Variants in ABHD17C observed in about 807,000 individuals in gnomAD.
ABHD17C encodes the protein alpha/beta hydrolase domain-containing protein 17C.
ABHD17C carries 11 observed loss-of-function variants against 27.9 expected under a neutral mutation model. The ratio of observed to expected loss-of-function variants is 0.39; its 90% CI spans 0.25 to 0.65. The LOEUF is 0.65. Among genes scored for constraint, ABHD17C ranks in the 30% least tolerant of loss-of-function variants. The probability of loss-of-function intolerance (pLI) is 0.45; values close to 1 mark genes in which losing one functional copy is unlikely to be tolerated. For missense variants in ABHD17C, 280 were observed against 470.2 expected, an observed-to-expected ratio of 0.60 and a Z score of 3.74; for synonymous variants, 233 against 209.1, an observed-to-expected ratio of 1.11 and a Z score of -0.98.
chr15:80,735,071 T>A (rs1211277400), intron 1 of ABHD17C, among the ~76,000 whole-genome samples: 1 of 152,182 alleles, frequency 6.6e-6, no homozygotes, highest in Non-Finnish European at 1.5e-5. Context: ...TCCCCCAGGC[T>A]GCTACTTCCG....
chr15:80,705,865 T>A (rs1179261236), intron 1 of ABHD17C, among the ~76,000 whole-genome samples: 1 of 152,218 alleles, frequency 6.6e-6, no homozygotes, highest in South Asian at 2.1e-4. Context: ...TAGGTGTTTA[T>A]ATGCCCAAGG....
intron 1 of ABHD17C, among the ~76,000 whole-genome samples, chr15:80,713,537 C>T (rs1485643147): frequency 3.3e-5 from 5 of 151,782 alleles, no homozygotes; most frequent in Admixed American, 1.3e-4. Flanking sequence ...AGGCCAGGTG[C>T]AGTGGCTCAC....
At position 80,695,428 on chromosome 15, in the gene ABHD17C, C is replaced by G. The variant is rs1310625802; in HGVS notation, c.-2C>G. 3.0e-6 allele frequency: 4 copies of G among 1,321,226 alleles called. No homozygotes were observed. The highest frequency in any genetic ancestry group is 3.9e-6 in the Non-Finnish European group (4 of 1,019,792). The allele number at this position is 1,321,226 out of a possible 1,614,324, so 81.8% of individuals were successfully genotyped here. ...GCCGGCGGCGGGCACCAGGCCGTCCCGATGCCCGAGCCAGGCCCCAGGATG... is the reference window on the plus strand; with the variant it reads ...GCCGGCGGCGGGCACCAGGCCGTCCGGATGCCCGAGCCAGGCCCCAGGATG... On this transcript the variant is annotated 5_prime_UTR_variant, in exon 1 of 3. Coordinates refer to ENST00000258884, the MANE Select transcript of ABHD17C (RefSeq NM_021214.2). This position sits in a 1 kb window ranked among gnomAD's most constrained non-coding sequence, Gnocchi z 4.3.
intron 1 of ABHD17C, among the ~76,000 whole-genome samples, chr15:80,705,525 A>G (rs1156889513): frequency 1.3e-5 from 2 of 152,156 alleles, no homozygotes; most frequent in African/African-American, 4.8e-5. Flanking sequence ...TGCTTAACAC[A>G]GTGCTTTCCA....
chr15:80,725,796 C>T (rs558398986), intron 1 of ABHD17C, among the ~76,000 whole-genome samples: 60 of 150,042 alleles, frequency 4.0e-4, no homozygotes, highest in African/African-American at 1.3e-3. Flanking sequence ...AGGTGTGAAC[C>T]GCTGCACCAG....
At chr15:80,748,024 T>C (rs1895313152) in intron 1 of ABHD17C, among the ~76,000 whole-genome samples, 1 of 152,306 alleles carries the variant, frequency 6.6e-6, no homozygotes, top group African/African-American at 2.4e-5. Flanking sequence ...CTGCATTGGG[T>C]ATGCGTTGCA....
intron 1 of ABHD17C, among the ~76,000 whole-genome samples, chr15:80,721,990 C>G (rs986340822): frequency 1.3e-5 from 2 of 151,998 alleles, no homozygotes; most frequent in African/African-American, 2.4e-5. Context: ...TTCAGACTTC[C>G]TATAATTTAC....
At chr15:80,728,521 A>G (rs993104847) in intron 1 of ABHD17C, among the ~76,000 whole-genome samples, 2 of 125,852 alleles carry the variant, frequency 1.6e-5, no homozygotes, top group Non-Finnish European at 3.9e-5. Flanking sequence ...CCCTCACTTG[A>G]TAGATAGGAG....
chr15:80,742,796 A>C (rs952010142), intron 1 of ABHD17C, among the ~76,000 whole-genome samples: 3 of 152,162 alleles, frequency 2.0e-5, no homozygotes, highest in African/African-American at 7.2e-5. Context: ...GGGCAGGAGG[A>C]GGAACCAAGA....
chr15:80,729,541 A>T lies in ABHD17C; in HGVS notation c.591-19972A>T, dbSNP rs371518969. 6.6e-5 allele frequency among the ~76,000 whole-genome samples: 10 copies of T among 152,252 alleles called. 1 individual carries two copies. Among genetic ancestry groups the T allele is most frequent in the Admixed American group, 6.5e-5 (1 of 15,298 alleles). On this transcript the variant is annotated intron_variant, in intron 1 of 2. Coordinates refer to ENST00000258884, the MANE Select transcript of ABHD17C (RefSeq NM_021214.2). ...GTATAGAAGATTATATATCATTCTG[A>T]TTGCTTTCAAGTTTTGGGTGAAAAA...
intron 1 of ABHD17C, among the ~76,000 whole-genome samples, chr15:80,716,884 T>A (rs2141499784): frequency 6.6e-6 from 1 of 152,334 alleles, no homozygotes; most frequent in South Asian, 2.1e-4. Context: ...CGCATCCCTG[T>A]TGAGCAGAAT....
chr15:80,706,204 G>T (rs1023818556), intron 1 of ABHD17C, among the ~76,000 whole-genome samples: 2 of 152,186 alleles, frequency 1.3e-5, no homozygotes, highest in Admixed American at 6.5e-5. Context: ...GATTCATGTG[G>T]CTTTTTCACA....
chr15:80,701,453 C>T (rs541413391), intron 1 of ABHD17C, among the ~76,000 whole-genome samples: 11 of 151,920 alleles, frequency 7.2e-5, no homozygotes, highest in African/African-American at 2.7e-4. Context: ...CTGAGACGGG[C>T]GGATCATTTG....
Position 80,749,082 on chromosome 15 carries a change from T to C in ABHD17C, c.591-431T>C, listed in dbSNP as rs143650672. On this transcript the variant is annotated intron_variant, in intron 1 of 2. Transcript: ENST00000258884. ...ATAAATGTTAATATATTTTGTATCATGATAACTTTGCTTCGAGTTTTTAAT... is the reference window on the plus strand; with the variant it reads ...ATAAATGTTAATATATTTTGTATCACGATAACTTTGCTTCGAGTTTTTAAT... Among the ~76,000 whole-genome samples, 355 of 152,346 alleles carry C rather than the reference T, an allele frequency of 2.3e-3. 1 individual carries two copies. The highest frequency in any genetic ancestry group is 8.1e-3 in the African/African-American group (338 of 41,572).
At chr15:80,730,251 C>T (rs1895040390) in intron 1 of ABHD17C, among the ~76,000 whole-genome samples, 1 of 152,160 alleles carries the variant, frequency 6.6e-6, no homozygotes, top group Non-Finnish European at 1.5e-5. Context: ...TTCCTTTGAA[C>T]ATCTTAACCC....
intron 1 of ABHD17C, among the ~76,000 whole-genome samples, chr15:80,702,166 A>G (rs1357892051): frequency 2.6e-5 from 4 of 152,066 alleles, no homozygotes; most frequent in African/African-American, 7.2e-5. Context: ...CATTTAGTGC[A>G]CTCTTAGAGG....
At chr15:80,734,236 C>T (rs1305485947) in intron 1 of ABHD17C, among the ~76,000 whole-genome samples, 2 of 152,132 alleles carry the variant, frequency 1.3e-5, no homozygotes, top group African/African-American at 4.8e-5. Context: ...CCTCCCACCT[C>T]GGCCTCCCAG....
At chr15:80,734,715 T>C (rs1014074903) in intron 1 of ABHD17C, among the ~76,000 whole-genome samples, 1 of 152,194 alleles carries the variant, frequency 6.6e-6, no homozygotes, top group African/African-American at 2.4e-5. Flanking sequence ...ATTACATTCT[T>C]TTGAAGGTAG....
rs1396092136 is a variant in ABHD17C, at chr15:80,749,693, G to GT, written c.770+2dup. 6.2e-7 allele frequency: 1 copy of GT among 1,613,512 alleles called. No homozygotes were observed. Among genetic ancestry groups the GT allele is most frequent in the African/African-American group, 1.3e-5 (1 of 74,918 alleles). On this transcript the variant is annotated splice_donor_variant, in intron 2 of 2. Coordinates refer to ENST00000258884, the MANE Select transcript of ABHD17C (RefSeq NM_021214.2). LOFTEE classifies it high-confidence loss of function. ...CATACTGCTTTGATGCTTTCCCCAG[G>GT]TAAGTTCATGCTTGTCCAACAAGTG...
Sources: allele counts gnomAD v4.1 joint callset (sites outside exome capture counted in the v4.1 genomes callset), GRCh38; gene constraint gnomAD v4.1.1; non-coding constraint Gnocchi (gnomAD v3.1); transcripts MANE v1.5; gene names NCBI Gene and HGNC (gene_info 2026-07-23, HGNC 2026-07-21).